Variants in PARD3 observed in about 807,000 individuals in gnomAD.
The protein encoded by PARD3 is par-3 family cell polarity regulator, also known as partitioning defective 3 homolog.
Under a neutral mutation model 155.4 loss-of-function variants are expected in PARD3, and 75 were observed. That is an observed-to-expected ratio of 0.48 (90% CI 0.40 to 0.58). The LOEUF (loss-of-function observed/expected upper bound fraction) is 0.58. PARD3 is among the 20% of genes least tolerant of loss of function. PARD3 has a pLI of 0.00. For missense variants in PARD3, 1,642 were observed against 1,721.7 expected (o/e 0.95, Z 0.82); for synonymous variants, 576 against 610.5 (o/e 0.94, Z 0.83).
At chr10:34,116,747 A>C (rs1052869023) in intron 24 of PARD3, among the ~76,000 whole-genome samples, 9 of 152,224 alleles carry the variant, frequency 5.9e-5, no homozygotes, top group Non-Finnish European at 1.0e-4. Flanking sequence ...CTCATATCTA[A>C]ATAGGATAAA....
chr10:34,382,943 A>G (rs1160938207), intron 8 of PARD3, 21 bp from the exon 9 acceptor site: 1 of 1,611,086 alleles, frequency 6.2e-7, no homozygotes, highest in Non-Finnish European at 8.5e-7. Flanking sequence ...GAAAGAATAG[A>G]AAATTAGCAA....
intron 2 of PARD3, among the ~76,000 whole-genome samples, chr10:34,663,182 G>T (rs563849544): frequency 6.6e-6 from 1 of 152,122 alleles, no homozygotes; most frequent in Non-Finnish European, 1.5e-5. Flanking sequence ...ACTAAAAGAG[G>T]CCAGGTGCAG....
chr10:34,442,003 C>T (rs1003818187), intron 5 of PARD3, among the ~76,000 whole-genome samples: 5 of 152,050 alleles, frequency 3.3e-5, no homozygotes, highest in African/African-American at 1.2e-4. Context: ...AATTTTAAAA[C>T]AATCTTGATG....
intron 2 of PARD3, among the ~76,000 whole-genome samples, chr10:34,637,270 G>C (rs1429512116): frequency 6.6e-6 from 1 of 152,096 alleles, no homozygotes; most frequent in Non-Finnish European, 1.5e-5. Flanking sequence ...CAACGACAAA[G>C]CCAGCATGCA....
intron 15 of PARD3, chr10:34,345,780 C>A (rs1209907196): frequency 1.0e-6 from 1 of 985,206 alleles, no homozygotes; most frequent in Admixed American, 6.2e-5. Flanking sequence ...TGCAAGGTAA[C>A]GTCTTGAACA....
At chr10:34,261,779 A>AC (rs1564528168) in intron 22 of PARD3, among the ~76,000 whole-genome samples, 6 of 94,840 alleles carry the variant, frequency 6.3e-5, no homozygotes, top group African/African-American at 2.1e-4. Context: ...GAAGAAAGAA[A>AC]GAAAAGAAAG....
intron 22 of PARD3, among the ~76,000 whole-genome samples, chr10:34,206,867 G>C (rs1951503223): frequency 6.6e-6 from 1 of 152,092 alleles, no homozygotes; most frequent in Admixed American, 6.5e-5. Flanking sequence ...CTTCAGTCTG[G>C]TCTGGAGTAA....
chr10:34,669,443 A>G (rs967674081), intron 2 of PARD3, among the ~76,000 whole-genome samples: 6 of 152,128 alleles, frequency 3.9e-5, no homozygotes, highest in Non-Finnish European at 8.8e-5. Context: ...TAGACGGTGG[A>G]GACTCAGGAG....
intron 23 of PARD3, among the ~76,000 whole-genome samples, chr10:34,122,793 C>T (rs1331704946): frequency 6.6e-6 from 1 of 152,076 alleles, no homozygotes; most frequent in East Asian, 1.9e-4. Flanking sequence ...TAAATGAAGA[C>T]CTCTTAAAAA....
intron 2 of PARD3, among the ~76,000 whole-genome samples, chr10:34,660,202 C>G (rs566445839): frequency 6.6e-6 from 1 of 152,314 alleles, no homozygotes; most frequent in East Asian, 1.9e-4. Context: ...TCCCCTGCCT[C>G]TCCCTCCATT....
chr10:34,703,964 G>A (rs1467204525), intron 1 of PARD3, among the ~76,000 whole-genome samples: 1 of 152,196 alleles, frequency 6.6e-6, no homozygotes, highest in African/African-American at 2.4e-5. Context: ...AGTGGAAGAT[G>A]TGTTCCAACA....
At chr10:34,597,454 G>A (rs530392956) in intron 2 of PARD3, among the ~76,000 whole-genome samples, 46 of 151,574 alleles carry the variant, frequency 3.0e-4, no homozygotes, top group Non-Finnish European at 6.0e-4. Context: ...TTGAGACAAG[G>A]TCTCACTGTG....
intron 2 of PARD3, among the ~76,000 whole-genome samples, chr10:34,637,399 G>A (rs1277820398): frequency 1.3e-5 from 2 of 152,154 alleles, no homozygotes; most frequent in Non-Finnish European, 1.5e-5. Context: ...AATGAGAAAC[G>A]TCCATTAACG....
In PARD3 at chr10:34,548,349, A is replaced by G. The variant is rs560833156; in HGVS notation, c.223-31190T>C. On this transcript the variant is annotated intron_variant, in intron 2 of 24. Transcript: ENST00000374788. Reference sequence around the variant, plus strand: ...ACTAAAAACACACACACACACAAAAAAAAGCCAGGCATGGTGGTACATGAC... The same window carrying G: ...ACTAAAAACACACACACACACAAAAGAAAGCCAGGCATGGTGGTACATGAC... Among the ~76,000 whole-genome samples, 5 of 152,172 alleles carry G rather than the reference A, an allele frequency of 3.3e-5. No individual in the cohort carries two copies. The East Asian group carries it at 9.7e-4, about 29-fold the overall frequency.
rs775879355 is a variant in PARD3 at position 34,341,693 on chromosome 10, T to A, written c.2342A>T (p.Asp781Val). The change falls in exon 16 of 25, where the codon GAT becomes GTT. Residue 781 changes from aspartate to valine, a missense_variant. Physicochemically the swap from Asp to Val is radical, Grantham distance 152. Transcript: ENST00000374788. ...SDQSSSSSHD[D>V]VGFVTADAGT... Reference sequence around the variant, plus strand: ...AGCATCTGCCGTCACAAACCCCACATCATCATGGGAGCTGGAAGAGGACTG... The same window carrying A: ...AGCATCTGCCGTCACAAACCCCACAACATCATGGGAGCTGGAAGAGGACTG... 3.1e-6 allele frequency: 5 copies of A among 1,613,788 alleles called. No individual in the cohort carries two copies. The African/African-American group carries it at 6.7e-5, about 22-fold the overall frequency.
At chr10:34,448,555 T>C (rs1472094531) in intron 5 of PARD3, among the ~76,000 whole-genome samples, 1 of 152,162 alleles carries the variant, frequency 6.6e-6, no homozygotes, top group Non-Finnish European at 1.5e-5. Context: ...ACCATGACAC[T>C]TTGGGAGGCC....
intron 23 of PARD3, among the ~76,000 whole-genome samples, chr10:34,128,014 C>A (rs933911942): frequency 1.3e-5 from 2 of 152,114 alleles, no homozygotes; most frequent in African/African-American, 4.8e-5. Context: ...TAGAAAAATG[C>A]CATTAATAGT....
intron 2 of PARD3, among the ~76,000 whole-genome samples, chr10:34,667,868 T>G (rs900037437): frequency 1.3e-5 from 2 of 152,224 alleles, no homozygotes; most frequent in African/African-American, 4.8e-5. Flanking sequence ...TCCATTCTCC[T>G]CCGTGCAGCC....
chr10:34,359,648 G>A (rs1029849238), intron 13 of PARD3, among the ~76,000 whole-genome samples: 1 of 152,192 alleles, frequency 6.6e-6, no homozygotes, highest in African/African-American at 2.4e-5. Flanking sequence ...ACCAAGACAT[G>A]TAAAAGCTCA....
Sources: gnomAD v4.1 joint callset for allele counts (sites outside exome capture counted in the v4.1 genomes callset) on GRCh38, gnomAD v4.1.1 for gene constraint, MANE v1.5 for transcripts, NCBI Gene and HGNC (gene_info 2026-07-23, HGNC 2026-07-21) for gene names.